Variants in DCLK1 observed in about 807,000 individuals in gnomAD.
DCLK1 encodes the protein doublecortin like kinase 1.
Under a neutral mutation model 86.2 loss-of-function variants are expected in DCLK1, and 16 were observed. That is an observed-to-expected ratio of 0.19 (90% confidence interval 0.13 to 0.28). The LOEUF (loss-of-function observed/expected upper bound fraction) is 0.28, where lower values mean the gene tolerates loss of function less well. Among genes scored for constraint, DCLK1 ranks in the 10% least tolerant of loss-of-function variants. The pLI, the probability that DCLK1 is intolerant of heterozygous loss-of-function variation, is 1.00. For synonymous variants in DCLK1, 369 were observed against 370.5 expected (o/e 1.00, Z 0.05); for missense variants, 590 against 940.2 (o/e 0.63, Z 4.87).
chr13:35,942,621 C>G (rs1383908526), intron 4 of DCLK1, among the ~76,000 whole-genome samples: 2 of 152,198 alleles, frequency 1.3e-5, no homozygotes, highest in Non-Finnish European at 2.9e-5. Flanking sequence ...TAGAGATCTC[C>G]TCCGGCACAT....
chr13:35,892,480 C>T (rs767465015), intron 4 of DCLK1, among the ~76,000 whole-genome samples: 1 of 152,168 alleles, frequency 6.6e-6, no homozygotes, highest in Non-Finnish European at 1.5e-5. Context: ...ACTCAGGAAA[C>T]ACTGTCAATG....
intron 3 of DCLK1, among the ~76,000 whole-genome samples, chr13:36,095,135 G>A (rs1884959228): frequency 6.6e-6 from 1 of 151,404 alleles, no homozygotes; most frequent in Non-Finnish European, 1.5e-5. Flanking sequence ...ACAGGTGGCA[G>A]AATGTATCCT....
intron 3 of DCLK1, among the ~76,000 whole-genome samples, chr13:36,003,717 G>A (rs914767421): frequency 6.6e-6 from 1 of 152,086 alleles, no homozygotes; most frequent in Non-Finnish European, 1.5e-5. Context: ...GGTTACAAAA[G>A]GCTACAAAAC....
rs899998253 is a variant in DCLK1 at position 35,770,942 on chromosome 13, T to A, written c.*3593A>T. On this transcript the variant is annotated 3_prime_UTR_variant, in exon 17 of 17. Transcript: ENST00000360631. ...CCTGGGGCACATTTTTATGGTCAAA[T>A]TAAAAACCTTTGAGAATAGGAGTTT... The A allele has an allele frequency of 3.3e-5, 5 of 152,188 alleles. No individual in the cohort carries two copies. Among genetic ancestry groups the A allele is most frequent in the Admixed American group, 2.0e-4 (3 of 15,268 alleles). 9.4% of individuals were successfully genotyped at this position (152,188 alleles called of 1,614,324 possible).
intron 6 of DCLK1, chr13:35,850,795 T>C: frequency 6.4e-7 from 1 of 1,569,406 alleles, no homozygotes; most frequent in South Asian, 1.2e-5. Flanking sequence ...TGAAGGGCAG[T>C]ATAGATTTGT....
intron 10 of DCLK1, among the ~76,000 whole-genome samples, chr13:35,824,793 C>T (rs1055078794): frequency 6.6e-6 from 1 of 152,210 alleles, no homozygotes; most frequent in Non-Finnish European, 1.5e-5. Flanking sequence ...AACCTTCATT[C>T]CACCCTGTTT....
chr13:35,867,821 T>C (rs148626990), intron 5 of DCLK1, among the ~76,000 whole-genome samples: 35 of 128,586 alleles, frequency 2.7e-4, no homozygotes, highest in African/African-American at 8.5e-4. Context: ...ATCTGATCCA[T>C]TCCCCATCTT....
rs1050379051 is a variant in DCLK1, at chr13:36,062,749, G to A, written c.723+49120C>T. 3.3e-5 allele frequency among the ~76,000 whole-genome samples: 5 copies of A among 152,108 alleles called. 1 individual carries two copies. The highest frequency in any genetic ancestry group is 7.4e-5 in the Non-Finnish European group (5 of 68,012). On this transcript the variant is annotated intron_variant, in intron 3 of 16. Coordinates refer to ENST00000360631, the MANE Select transcript of DCLK1 (RefSeq NM_001330071.2). ...AGCAAGAGAGAAGAGAACTGACCACGGATAGGCGTCATTGTGGAAACTTCT... is the reference window on the plus strand; with the variant it reads ...AGCAAGAGAGAAGAGAACTGACCACAGATAGGCGTCATTGTGGAAACTTCT...
chr13:36,033,239 A>T (rs777176507), intron 3 of DCLK1, among the ~76,000 whole-genome samples: 2 of 152,246 alleles, frequency 1.3e-5, no homozygotes, highest in Non-Finnish European at 2.9e-5. Flanking sequence ...TAAGTCAGAT[A>T]TGATGACCTT....
At chr13:35,935,314 AG>A (rs1221461041) in intron 4 of DCLK1, among the ~76,000 whole-genome samples, 3 of 152,152 alleles carry the variant, frequency 2.0e-5, no homozygotes, top group Non-Finnish European at 2.9e-5. Context: ...TCAATTCAGG[AG>A]GATTAATCGG....
chr13:36,071,230 A>G (rs942096173), intron 3 of DCLK1, among the ~76,000 whole-genome samples: 5 of 151,830 alleles, frequency 3.3e-5, no homozygotes, highest in African/African-American at 1.2e-4. Context: ...AACACTTAAA[A>G]CTCCAAAAAT....
intron 3 of DCLK1, among the ~76,000 whole-genome samples, chr13:35,965,621 A>G (rs1045469552): frequency 3.3e-5 from 5 of 152,224 alleles, no homozygotes; most frequent in African/African-American, 9.6e-5. Context: ...AGAAAAGATC[A>G]TTAGAAAGCA....
chr13:36,059,865 T>A (rs933952617), intron 3 of DCLK1, among the ~76,000 whole-genome samples: 4 of 136,750 alleles, frequency 2.9e-5, no homozygotes, highest in African/African-American at 5.5e-5. Context: ...TTCACTTAAA[T>A]CTCTTTTTTT....
chr13:35,933,342 G>C (rs545228980), intron 4 of DCLK1, among the ~76,000 whole-genome samples: 1 of 152,168 alleles, frequency 6.6e-6, no homozygotes, highest in African/African-American at 2.4e-5. Flanking sequence ...CCTGGAGGAC[G>C]GTGGCCCTCT....
At chr13:36,035,230 T>TG (rs1243532995) in intron 3 of DCLK1, among the ~76,000 whole-genome samples, 2 of 152,164 alleles carry the variant, frequency 1.3e-5, no homozygotes, top group Admixed American at 6.5e-5. Context: ...TGCCTCTCCC[T>TG]GGCTCATTCA....
chr13:35,985,552 G>A (rs1251237646), intron 3 of DCLK1, among the ~76,000 whole-genome samples: 1 of 152,200 alleles, frequency 6.6e-6, no homozygotes, highest in Non-Finnish European at 1.5e-5. Flanking sequence ...TTTGCAATTA[G>A]CAAAGGGTAA....
chr13:35,786,339 T>C (rs1485869406), intron 16 of DCLK1, among the ~76,000 whole-genome samples: 1 of 152,256 alleles, frequency 6.6e-6, no homozygotes, highest in Non-Finnish European at 1.5e-5. Flanking sequence ...TGCCTATTTT[T>C]AATTGTATAT....
At chr13:36,054,937 T>C (rs564894204) in intron 3 of DCLK1, among the ~76,000 whole-genome samples, 17 of 152,292 alleles carry the variant, frequency 1.1e-4, no homozygotes, top group Non-Finnish European at 2.2e-4. Context: ...CATGGCATCA[T>C]GAATCCTGCC....
At chr13:35,805,671 A>G in intron 15 of DCLK1, 28 bp downstream of exon 15, 1 of 1,599,066 alleles carries the variant, frequency 6.3e-7, no homozygotes, top group Non-Finnish European at 8.5e-7. Context: ...GTTAGGAGAG[A>G]ACAAAGGAAA....
Sources: gnomAD v4.1 joint callset for allele counts (sites outside exome capture counted in the v4.1 genomes callset) on GRCh38, gnomAD v4.1.1 for gene constraint, MANE v1.5 for transcripts, NCBI Gene and HGNC (gene_info 2026-07-23, HGNC 2026-07-21) for gene names.